Variants in CTDSPL2 observed in about 807,000 individuals in gnomAD.
The protein encoded by CTDSPL2 is CTD small phosphatase like 2, also known as CTD small phosphatase-like protein 2.
A neutral mutation model predicts 60.0 loss-of-function variants in CTDSPL2; 5 were observed. The observed-to-expected ratio is 0.08, with a 90% CI of 0.04 to 0.18. The LOEUF (loss-of-function observed/expected upper bound fraction) is 0.18, where lower values mean the gene tolerates loss of function less well. Among genes scored for constraint, CTDSPL2 ranks in the 10% least tolerant of loss-of-function variants. The pLI is 1.00. For missense variants in CTDSPL2, 370 were observed against 548.8 expected, an observed-to-expected ratio of 0.67 and a Z score of 3.26; for synonymous variants, 186 against 189.3, an observed-to-expected ratio of 0.98 and a Z score of 0.14.
chr15:44,431,971 G>A (rs1242343619), intron 1 of CTDSPL2, among the ~76,000 whole-genome samples: 1 of 151,716 alleles, frequency 6.6e-6, no homozygotes, highest in African/African-American at 2.4e-5. Context: ...TGATCCACCC[G>A]CCTCAGCCTC....
Position 44,507,833 on chromosome 15 carries a change from A to G in CTDSPL2, c.970-6765A>G, listed in dbSNP as rs969153000. On this transcript the variant is annotated intron_variant, in intron 8 of 12. Transcript: ENST00000260327. ...ATTACTTTTAAACAATGAGATAGAT[A>G]ATAATAGCTAATAGCTATTGGCACT... Among the ~76,000 whole-genome samples, 22 of 152,370 alleles carry G rather than the reference A, an allele frequency of 1.4e-4. No individual in the cohort carries two copies. The East Asian group carries it at 3.3e-3, about 23-fold the overall frequency.
chr15:44,459,961 A>G (rs2080530514), intron 2 of CTDSPL2, among the ~76,000 whole-genome samples: 1 of 152,158 alleles, frequency 6.6e-6, no homozygotes, highest in Admixed American at 6.6e-5. Context: ...ATTCTGGACC[A>G]ACTTGAGTGA....
intron 8 of CTDSPL2, among the ~76,000 whole-genome samples, chr15:44,506,089 G>C (rs1732078797): frequency 6.9e-6 from 1 of 145,718 alleles, no homozygotes; most frequent in Admixed American, 6.8e-5. Flanking sequence ...GAGTGCAATG[G>C]CGCTATCTTG....
At chr15:44,498,787 T>C (rs2081342609) in intron 7 of CTDSPL2, among the ~76,000 whole-genome samples, 2 of 151,990 alleles carry the variant, frequency 1.3e-5, no homozygotes, top group South Asian at 4.1e-4. Context: ...TAATTTCAGC[T>C]GCTTGGGAGG....
At chr15:44,482,039 C>G (rs2081036493) in intron 2 of CTDSPL2, among the ~76,000 whole-genome samples, 1 of 152,140 alleles carries the variant, frequency 6.6e-6, no homozygotes, top group Non-Finnish European at 1.5e-5. Context: ...CCCATAAGCC[C>G]GTTTCTACTT....
chr15:44,479,021 A>AT (rs2140767447), intron 2 of CTDSPL2, among the ~76,000 whole-genome samples: 1 of 150,444 alleles, frequency 6.6e-6, no homozygotes, highest in East Asian at 2.0e-4. Flanking sequence ...TGGCTTTTAC[A>AT]TTTTCTTCAT....
chr15:44,514,958 A>C (rs986951015), intron 10 of CTDSPL2, 114 bp downstream of exon 10: 8 of 610,480 alleles, frequency 1.3e-5, no homozygotes, highest in Admixed American at 6.1e-5. Flanking sequence ...TGAATGGTGA[A>C]TATAAATGAA....
At chr15:44,513,243 A>G (rs766656979) in intron 8 of CTDSPL2, among the ~76,000 whole-genome samples, 1 of 152,164 alleles carries the variant, frequency 6.6e-6, no homozygotes, top group Non-Finnish European at 1.5e-5. Context: ...AGACGGGCGG[A>G]TCACCTGAGG....
At chr15:44,523,997 A>G (rs2081833289) in intron 12 of CTDSPL2, 112 bp from the exon 13 acceptor site, 3 of 770,956 alleles carry the variant, frequency 3.9e-6, no homozygotes, top group Admixed American at 2.2e-5. Flanking sequence ...CAAATAAAAT[A>G]TGTCATAAAA....
chr15:44,471,632 G>T (rs2080812300), intron 2 of CTDSPL2, among the ~76,000 whole-genome samples: 2 of 152,130 alleles, frequency 1.3e-5, no homozygotes, highest in Non-Finnish European at 2.9e-5. Flanking sequence ...ACAGCACTAT[G>T]TTGTATAGTA....
intron 1 of CTDSPL2, among the ~76,000 whole-genome samples, chr15:44,437,995 T>C (rs576280893): frequency 4.6e-5 from 7 of 152,286 alleles, no homozygotes; most frequent in African/African-American, 1.7e-4. Context: ...CTGGGTGCAG[T>C]GGCTCACGCC....
Position 44,490,272 on chromosome 15 carries a change from G to A in CTDSPL2, c.476-512G>A, listed in dbSNP as rs566100135. Among the ~76,000 whole-genome samples the A allele has an allele frequency of 1.1e-4, 17 of 152,096 alleles. No individual in the cohort carries two copies. In the South Asian group the frequency reaches 2.1e-3, roughly 19 times the overall value. ...CCCACTTCAGCCTCATGAGTAGCTGGGATCACAGATGTGCACCACCACACC... is the reference window on the plus strand; with the variant it reads ...CCCACTTCAGCCTCATGAGTAGCTGAGATCACAGATGTGCACCACCACACC... On this transcript the variant is annotated intron_variant, in intron 4 of 12. Transcript: ENST00000260327.
intron 2 of CTDSPL2, among the ~76,000 whole-genome samples, chr15:44,464,267 G>A (rs1209574845): frequency 3.9e-5 from 6 of 152,286 alleles, no homozygotes; most frequent in Admixed American, 1.3e-4. Context: ...CAAACCATAT[G>A]AGATAGGTGT....
At position 44,525,758 on chromosome 15, in the gene CTDSPL2, G is replaced by T. The variant is rs568765155; in HGVS notation, c.*1584G>T. ...CTTTTTAGGAAAACATTTAATTTTT[G>T]TATTTTTGATTTTAAAGGCATGAGT... On this transcript the variant is annotated 3_prime_UTR_variant, in exon 13 of 13. Coordinates refer to ENST00000260327, the MANE Select transcript of CTDSPL2 (RefSeq NM_016396.3). 3.3e-6 allele frequency: 1 copy of T among 303,224 alleles called. No individual in the cohort carries two copies. Among genetic ancestry groups the T allele is most frequent in the South Asian group, 1.6e-4 (1 of 6,202 alleles). The allele number at this position is 303,224 out of a possible 1,614,324, so 18.8% of individuals were successfully genotyped here.
intron 1 of CTDSPL2, among the ~76,000 whole-genome samples, chr15:44,428,695 C>A (rs1468600285): frequency 6.6e-6 from 1 of 152,204 alleles, no homozygotes; most frequent in Non-Finnish European, 1.5e-5. Flanking sequence ...TGAATTTCTT[C>A]AGTGGGTATA....
chr15:44,456,427 T>C (rs1339457256), intron 1 of CTDSPL2, among the ~76,000 whole-genome samples: 1 of 152,242 alleles, frequency 6.6e-6, no homozygotes, highest in Non-Finnish European at 1.5e-5. Flanking sequence ...GCTCCTGTTA[T>C]TGTTCTATTC....
At chr15:44,498,442 T>C (rs1327909862) in intron 7 of CTDSPL2, among the ~76,000 whole-genome samples, 4 of 151,852 alleles carry the variant, frequency 2.6e-5, no homozygotes, top group Non-Finnish European at 5.9e-5. Flanking sequence ...AAAAAATGAA[T>C]GAGCCTGGTG....
intron 5 of CTDSPL2, among the ~76,000 whole-genome samples, chr15:44,493,545 G>A (rs1245857331): frequency 1.3e-5 from 2 of 152,164 alleles, no homozygotes; most frequent in East Asian, 1.9e-4. Flanking sequence ...TATAATCACA[G>A]CACTTTGGGA....
At chr15:44,476,355 T>C (rs758194105) in intron 2 of CTDSPL2, among the ~76,000 whole-genome samples, 3 of 152,114 alleles carry the variant, frequency 2.0e-5, no homozygotes, top group Non-Finnish European at 4.4e-5. Flanking sequence ...CGCGAGCCAC[T>C]GCACCCGGCC....
Sources: allele counts gnomAD v4.1 joint callset (sites outside exome capture counted in the v4.1 genomes callset), GRCh38; gene constraint gnomAD v4.1.1; transcripts MANE v1.5; gene names NCBI Gene and HGNC (gene_info 2026-07-23, HGNC 2026-07-21).